Variants in HTR7 observed in about 807,000 individuals in gnomAD.
HTR7 encodes the protein 5-HT-7.
Under a neutral mutation model 34.0 loss-of-function variants are expected in HTR7, and 16 were observed. That is an observed-to-expected ratio of 0.47 (90% CI 0.32 to 0.71). The LOEUF (loss-of-function observed/expected upper bound fraction) is 0.71, where lower values mean the gene tolerates loss of function less well. Ranked by LOEUF, HTR7 falls within the 30% of genes least tolerant of loss-of-function variation. The pLI, the probability that HTR7 is intolerant of heterozygous loss-of-function variation, is 0.04. For missense variants in HTR7, 504 were observed against 625.5 expected (o/e 0.81, Z 2.07); for synonymous variants, 265 against 260.2 (o/e 1.02, Z -0.18).
chr10:90,798,138 G>A (rs185805789), intron 1 of HTR7, among the ~76,000 whole-genome samples: 19 of 152,224 alleles, frequency 1.2e-4, no homozygotes, highest in Admixed American at 8.5e-4. Flanking sequence ...TCAAACCACA[G>A]CATATGCTTT....
At chr10:90,849,821 A>G (rs1432492536) in intron 1 of HTR7, among the ~76,000 whole-genome samples, 17 of 152,208 alleles carry the variant, frequency 1.1e-4, no homozygotes. Context: ...AAGCACAAAT[A>G]CACACACACT....
intron 3 of HTR7, among the ~76,000 whole-genome samples, chr10:90,743,076 C>T (rs1844579470): frequency 6.7e-6 from 1 of 149,252 alleles, no homozygotes; most frequent in African/African-American, 2.5e-5. Flanking sequence ...ACTCCCCTGA[C>T]TCTGCACCTC....
At chr10:90,794,903 C>T (rs538759827) in intron 1 of HTR7, among the ~76,000 whole-genome samples, 7 of 152,316 alleles carry the variant, frequency 4.6e-5, no homozygotes, top group African/African-American at 9.6e-5. Flanking sequence ...TGTGCTATGA[C>T]GTAAAGATGG....
rs750208564 is a variant in HTR7 at position 90,748,969 on chromosome 10, G to C, written c.1165C>G (p.Arg389Gly). The C allele has an allele frequency of 6.2e-7, 1 of 1,613,994 alleles. No homozygotes were observed. Among genetic ancestry groups the C allele is most frequent in the African/African-American group, 1.3e-5 (1 of 74,898 alleles). The stretch of plus-strand genomic sequence containing the variant: ...CTGCGATAGGTGGTCCTCAGGTCCC[G>C]GTTGAAGAAGGCATATATAAAAGGG... ...INPFIYAFFN[R>G]DLRTTYRSLL... is the part of the protein sequence containing the mutation. The change falls in exon 2 of 4, where the codon CGG becomes GGG. Residue 389 changes from arginine (R) to glycine (G), a missense_variant. Arg to Gly is a moderately radical substitution (Grantham distance 125, BLOSUM62 -2). Coordinates refer to ENST00000336152, the MANE Select transcript of HTR7 (RefSeq NM_019859.4).
chr10:90,804,378 G>A (rs2119936026), intron 1 of HTR7, among the ~76,000 whole-genome samples: 1 of 152,292 alleles, frequency 6.6e-6, no homozygotes, highest in Non-Finnish European at 1.5e-5. Context: ...GCCATCTTTG[G>A]ACAGCAAATA....
chr10:90,843,442 G>A (rs953212330), intron 1 of HTR7, among the ~76,000 whole-genome samples: 1 of 152,178 alleles, frequency 6.6e-6, no homozygotes, highest in Non-Finnish European at 1.5e-5. Flanking sequence ...GATAGTCAGG[G>A]GATTCTAGAA....
At chr10:90,845,416 A>G (rs555302801) in intron 1 of HTR7, among the ~76,000 whole-genome samples, 1 of 152,310 alleles carries the variant, frequency 6.6e-6, no homozygotes, top group East Asian at 1.9e-4. Context: ...GGATTCAGAC[A>G]CTGTTCCAGT....
intron 1 of HTR7, among the ~76,000 whole-genome samples, chr10:90,817,300 C>A (rs1338709022): frequency 6.6e-6 from 1 of 152,182 alleles, no homozygotes; most frequent in Non-Finnish European, 1.5e-5. Flanking sequence ...TCAGGGGAGC[C>A]ATCAGGCTTT....
chr10:90,807,432 G>C (rs1274814919), intron 1 of HTR7, among the ~76,000 whole-genome samples: 1 of 152,128 alleles, frequency 6.6e-6, no homozygotes, highest in East Asian at 1.9e-4. Context: ...CACCACAAAA[G>C]AAGTGAAAAT....
At chr10:90,779,079 AC>A (rs1399325251) in intron 1 of HTR7, among the ~76,000 whole-genome samples, 1 of 152,192 alleles carries the variant, frequency 6.6e-6, no homozygotes, top group Non-Finnish European at 1.5e-5. Context: ...CCTGATTCTC[AC>A]TGATGAAAGG....
At chr10:90,842,271 T>C (rs1846340904) in intron 1 of HTR7, among the ~76,000 whole-genome samples, 1 of 152,300 alleles carries the variant, frequency 6.6e-6, no homozygotes, top group South Asian at 2.1e-4. Context: ...GGCACCATCT[T>C]GCAAGCAGTC....
intron 1 of HTR7, among the ~76,000 whole-genome samples, chr10:90,846,377 A>C (rs1589480640): frequency 6.6e-6 from 1 of 152,194 alleles, no homozygotes; most frequent in South Asian, 2.1e-4. Context: ...CAGATCAGGG[A>C]TGCCCAATTT....
At chr10:90,843,807 A>G (rs1162052147) in intron 1 of HTR7, among the ~76,000 whole-genome samples, 2 of 152,204 alleles carry the variant, frequency 1.3e-5, no homozygotes, top group African/African-American at 4.8e-5. Context: ...AGTAAGACCA[A>G]ATCTGGTCCC....
chr10:90,785,876 C>T (rs764837820), intron 1 of HTR7, among the ~76,000 whole-genome samples: 4 of 152,174 alleles, frequency 2.6e-5, no homozygotes, highest in African/African-American at 9.7e-5. Context: ...CCTTGACGCC[C>T]CTTCTTGGGA....
rs983455862 is a variant in HTR7 at position 90,808,124 on chromosome 10, C to T, written c.539+49009G>A. Among the ~76,000 whole-genome samples, 7 of 152,216 alleles carry T rather than the reference C, an allele frequency of 4.6e-5. 1 individual carries two copies. The highest frequency in any genetic ancestry group is 3.9e-4 in the East Asian group (2 of 5,192). Reference sequence around the variant, plus strand: ...ATACGCCTCTCTGATTATTCACCCACGTTTCAGAGGTGTCAGATCACGCAG... The same window carrying T: ...ATACGCCTCTCTGATTATTCACCCATGTTTCAGAGGTGTCAGATCACGCAG... On this transcript the variant is annotated intron_variant, in intron 1 of 3. Transcript: ENST00000336152.
chr10:90,849,755 G>A (rs1846468534), intron 1 of HTR7, among the ~76,000 whole-genome samples: 1 of 152,160 alleles, frequency 6.6e-6, no homozygotes, highest in Non-Finnish European at 1.5e-5. Context: ...CCATGATGGG[G>A]TTGTTTGATA....
intron 1 of HTR7, among the ~76,000 whole-genome samples, chr10:90,753,390 A>C (rs1844774808): frequency 6.6e-6 from 1 of 152,134 alleles, no homozygotes; most frequent in Non-Finnish European, 1.5e-5. Flanking sequence ...AGAGAGAGAG[A>C]GAGAAAGAAA....
chr10:90,747,704 G>A (rs1339258657), intron 2 of HTR7, among the ~76,000 whole-genome samples: 1 of 152,160 alleles, frequency 6.6e-6, no homozygotes, highest in Non-Finnish European at 1.5e-5. Flanking sequence ...AGATGACCAG[G>A]AAGGTCCCTC....
At chr10:90,836,782 T>A (rs559356362) in intron 1 of HTR7, among the ~76,000 whole-genome samples, 23 of 152,226 alleles carry the variant, frequency 1.5e-4, no homozygotes, top group African/African-American at 5.5e-4. Context: ...AGTGCTGTGA[T>A]CACAGGCATG....
Sources: allele counts gnomAD v4.1 joint callset (sites outside exome capture counted in the v4.1 genomes callset), GRCh38; gene constraint gnomAD v4.1.1; transcripts MANE v1.5; gene names NCBI Gene and HGNC (gene_info 2026-07-23, HGNC 2026-07-21).